Variants in CDH13 observed in about 807,000 individuals in gnomAD.
CDH13 encodes the protein cadherin 13.
CDH13 carries 24 observed loss-of-function variants against 63.8 expected under a neutral mutation model. The observed-to-expected ratio is 0.38, with a 90% CI of 0.27 to 0.53. The LOEUF (loss-of-function observed/expected upper bound fraction) is 0.53. Ranked by LOEUF, CDH13 falls within the 20% of genes least tolerant of loss-of-function variation. The probability of loss-of-function intolerance (pLI) is 0.85; values close to 1 mark genes in which losing one functional copy is unlikely to be tolerated. For synonymous variants in CDH13, 503 were observed against 355.3 expected, an observed-to-expected ratio of 1.42 and a Z score of -4.67; for missense variants, 1,049 against 903.1, an observed-to-expected ratio of 1.16 and a Z score of -2.07.
chr16:82,953,732 A>G (rs1376256598), intron 2 of CDH13: 1 of 152,172 alleles, frequency 6.6e-6, no homozygotes, highest in Non-Finnish European at 1.5e-5. Flanking sequence ...GTGAAATAAT[A>G]AGCACAATAC....
intron 10 of CDH13, among the ~76,000 whole-genome samples, chr16:83,741,295 G>A (rs1004115344): frequency 5.9e-5 from 9 of 151,992 alleles, no homozygotes; most frequent in East Asian, 3.9e-4. Context: ...TAATAAATAC[G>A]GGGTCCAGTG....
intron 2 of CDH13, among the ~76,000 whole-genome samples, chr16:82,957,157 C>G (rs560581298): frequency 6.6e-6 from 1 of 152,260 alleles, no homozygotes; most frequent in Admixed American, 6.5e-5. Context: ...GAGCCATATC[C>G]CTTCTCTTGA....
At chr16:82,988,568 C>T (rs1366215733) in intron 2 of CDH13, among the ~76,000 whole-genome samples, 1 of 151,958 alleles carries the variant, frequency 6.6e-6, no homozygotes, top group Non-Finnish European at 1.5e-5. Context: ...TCGAGACCTG[C>T]CTGGCCAACA....
At chr16:83,622,036 C>G (rs1032674950) in intron 8 of CDH13, among the ~76,000 whole-genome samples, 21 of 152,080 alleles carry the variant, frequency 1.4e-4, no homozygotes, top group African/African-American at 4.8e-4. Flanking sequence ...TTCTTATGAG[C>G]AAAGAATAGA....
At chr16:82,818,335 A>G (rs1031836997) in intron 1 of CDH13, among the ~76,000 whole-genome samples, 3 of 152,200 alleles carry the variant, frequency 2.0e-5, no homozygotes, top group African/African-American at 7.2e-5. Flanking sequence ...GGACTAAAAG[A>G]TAAAAAAGAC....
At chr16:83,113,910 A>C (rs1185915481) in intron 3 of CDH13, among the ~76,000 whole-genome samples, 1 of 152,178 alleles carries the variant, frequency 6.6e-6, no homozygotes, top group East Asian at 1.9e-4. Flanking sequence ...GGAAACCCAG[A>C]GGCTTCATCC....
intron 6 of CDH13, among the ~76,000 whole-genome samples, chr16:83,367,613 C>A (rs1050180959): frequency 7.2e-5 from 11 of 152,184 alleles, no homozygotes; most frequent in African/African-American, 2.2e-4. Flanking sequence ...TTTCCATCAG[C>A]AGTGTATGAG....
At chr16:83,337,399 C>G (rs2090622192) in intron 5 of CDH13, among the ~76,000 whole-genome samples, 1 of 152,078 alleles carries the variant, frequency 6.6e-6, no homozygotes. Flanking sequence ...GAGTTGAGCC[C>G]CTTTTTTCCT....
intron 1 of CDH13, among the ~76,000 whole-genome samples, chr16:82,833,822 C>T (rs1188087035): frequency 6.6e-6 from 1 of 152,194 alleles, no homozygotes; most frequent in Non-Finnish European, 1.5e-5. Context: ...CGGTGTGTGG[C>T]TACGCTGAGG....
chr16:83,531,863 C>G lies in CDH13; in HGVS notation c.960+45208C>G, dbSNP rs1033397412. ...GAGAGTAACTTTGTGTTATTTCAACCTAACAGTTTGTGGTAATTTGTTAGG... is the reference window on the plus strand; with the variant it reads ...GAGAGTAACTTTGTGTTATTTCAACGTAACAGTTTGTGGTAATTTGTTAGG... On this transcript the variant is annotated intron_variant, in intron 7 of 13. Transcript: ENST00000567109. Among the ~76,000 whole-genome samples, 3 of 152,292 alleles carry G rather than the reference C, an allele frequency of 2.0e-5. No homozygotes were observed. The East Asian group carries it at 5.8e-4, about 29-fold the overall frequency.
chr16:82,719,235 C>T lies in CDH13; in HGVS notation c.45+92098C>T, dbSNP rs554312302. ...TCTCAGGAGTTTCCACGAGCAGGAA[C>T]CTCACATCACTGCCATTGGCCTGTA... On this transcript the variant is annotated intron_variant, in intron 1 of 13. Transcript: ENST00000567109. 4 of 344,356 alleles carry T rather than the reference C, an allele frequency of 1.2e-5. No homozygotes were observed. In the Admixed American group the frequency reaches 1.3e-4, roughly 11 times the overall value. The allele number at this position is 344,356 out of a possible 1,614,324, so 21.3% of individuals were successfully genotyped here. A position where few individuals can be genotyped will look rare whatever the true frequency, so the allele number is the denominator to read the frequency against.
chr16:83,214,863 A>G (rs1005786681), intron 4 of CDH13, among the ~76,000 whole-genome samples: 7 of 151,900 alleles, frequency 4.6e-5, no homozygotes, highest in African/African-American at 1.5e-4. Context: ...TGGGAAAGCT[A>G]GGATTGCAAC....
chr16:83,662,057 T>G (rs983244936), intron 8 of CDH13, among the ~76,000 whole-genome samples: 6 of 152,096 alleles, frequency 3.9e-5, no homozygotes, highest in Admixed American at 6.5e-5. Context: ...GGGCAGGACA[T>G]CAGTGAGGGG....
chr16:83,035,400 A>T (rs1242329700), intron 3 of CDH13, among the ~76,000 whole-genome samples: 2 of 152,138 alleles, frequency 1.3e-5, no homozygotes. Context: ...CAAAGCACCA[A>T]CCATGTGCCA....
chr16:83,653,718 C>T (rs1185082909), intron 8 of CDH13, among the ~76,000 whole-genome samples: 2 of 152,150 alleles, frequency 1.3e-5, no homozygotes, highest in Non-Finnish European at 2.9e-5. Flanking sequence ...TTCTCTTACC[C>T]TGCTTTATTT....
chr16:83,284,937 GT>G (rs2089271511), intron 5 of CDH13, among the ~76,000 whole-genome samples: 1 of 152,172 alleles, frequency 6.6e-6, no homozygotes, highest in Non-Finnish European at 1.5e-5. Context: ...GGTTACAGCT[GT>G]TTTCTGACTG....
At chr16:83,083,419 A>T (rs1031300907) in intron 3 of CDH13, among the ~76,000 whole-genome samples, 2 of 152,214 alleles carry the variant, frequency 1.3e-5, no homozygotes, top group African/African-American at 4.8e-5. Flanking sequence ...ACACAATTCC[A>T]ATCTGTGTAG....
intron 6 of CDH13, among the ~76,000 whole-genome samples, chr16:83,403,674 G>A (rs1234008279): frequency 6.6e-6 from 1 of 152,078 alleles, no homozygotes; most frequent in Non-Finnish European, 1.5e-5. Context: ...CTTTGGGGGA[G>A]TGAGCAGTCC....
intron 7 of CDH13, among the ~76,000 whole-genome samples, chr16:83,488,741 C>G (rs1386915452): frequency 2.6e-5 from 4 of 152,164 alleles, no homozygotes; most frequent in Non-Finnish European, 5.9e-5. Flanking sequence ...TCTCCTGTCT[C>G]AGCCTCCTGA....
Sources: gnomAD v4.1 joint callset for allele counts (sites outside exome capture counted in the v4.1 genomes callset) on GRCh38, gnomAD v4.1.1 for gene constraint, MANE v1.5 for transcripts, NCBI Gene and HGNC (gene_info 2026-07-23, HGNC 2026-07-21) for gene names.